The following MMEL1 variants were observed in gnomAD, a reference collection of about 807,000 sequenced individuals.
The protein encoded by MMEL1 is membrane metallo-endopeptidase-like 1.
In MMEL1, 98 loss-of-function variants were observed where a neutral mutation model predicts 117.1. The ratio of observed to expected loss-of-function variants is 0.84; its 90% confidence interval spans 0.71 to 0.99. MMEL1 has a LOEUF of 0.99. Among genes scored for constraint, MMEL1 ranks in the 50% least tolerant of loss-of-function variants. MMEL1 has a pLI of 0.00. For missense variants in MMEL1, 1,014 were observed against 1,049.1 expected (o/e 0.97, Z 0.46); for synonymous variants, 390 against 415.1 (o/e 0.94, Z 0.74).
intron 2 of MMEL1, among the ~76,000 whole-genome samples, chr1:2,628,845 G>T (rs1237585648): frequency 6.6e-6 from 1 of 152,174 alleles, no homozygotes; most frequent in Non-Finnish European, 1.5e-5. Flanking sequence ...GAGCGGGGCG[G>T]GGGCGGCAGG....
At position 2,627,663 on chromosome 1, in the gene MMEL1, T is replaced by C. The variant is rs550896712; in HGVS notation, c.154+1668A>G. Among the ~76,000 whole-genome samples, 5 of 152,304 alleles carry C rather than the reference T, an allele frequency of 3.3e-5. No individual in the cohort carries two copies. In the South Asian group the frequency reaches 8.3e-4, roughly 25 times the overall value. ...TTAAAAAAGTAACTAAAAACTCATG[T>C]CTGGAAATTAAAAAAATTTCTAAAT... On this transcript the variant is annotated intron_variant, in intron 2 of 23. Coordinates refer to ENST00000378412, the MANE Select transcript of MMEL1 (RefSeq NM_033467.4).
rs1313115243 is a variant in MMEL1, at chr1:2,595,649, C to T, written c.1501-290G>A. Among the ~76,000 whole-genome samples, 1 of 152,152 alleles carries T rather than the reference C, an allele frequency of 6.6e-6. No individual in the cohort carries two copies. The highest frequency in any genetic ancestry group is 6.5e-5 in the Admixed American group (1 of 15,288). On this transcript the variant is annotated intron_variant, in intron 15 of 23. Transcript: ENST00000378412. The surrounding 1 kb of genome is among the most constrained non-coding windows in gnomAD (Gnocchi z 4.8). ...CAGGGGCCCTGGAGGGGTCACTCGG[C>T]TGCCGTCTGTCACTTGGGTCCAGAG...
At chr1:2,604,119 C>CCCGG in intron 10 of MMEL1, 28 bp downstream of exon 10, 46 of 1,510,010 alleles carry the variant, frequency 3.0e-5, no homozygotes, top group Non-Finnish European at 3.8e-5. Context: ...ACTCGCTGCC[C>CCCGG]GCTCCCCACC....
At chr1:2,601,726 G>A (rs140916321) in intron 11 of MMEL1, among the ~76,000 whole-genome samples, 2,080 of 152,312 alleles carry the variant, frequency 0.014, 37 homozygotes, top group African/African-American at 0.04. Flanking sequence ...AAGATCGCCC[G>A]ATAGAACAAA....
chr1:2,598,330 G>A (rs779968682), intron 12 of MMEL1, 30 bp from the exon 13 acceptor site: 1 of 1,602,706 alleles, frequency 6.2e-7, no homozygotes, highest in Non-Finnish European at 8.5e-7. Flanking sequence ...GGTGAGGGGA[G>A]AACAGGTGAG....
chr1:2,609,908 G>A (rs1483652377), intron 4 of MMEL1, 77 bp from the exon 5 acceptor site: 2 of 1,483,564 alleles, frequency 1.3e-6, no homozygotes, highest in Non-Finnish European at 1.8e-6. Flanking sequence ...CTGTCTCCCG[G>A]TCCAAGACAC....
rs371074815 is a variant in MMEL1, at chr1:2,594,370, G to T, written c.1747+15C>A. ...ACCAAAGGGCCTGGGCAGGCAGGGA[G>T]GGGGAGGAACTTACCAATCTGGTTT... On this transcript the variant is annotated intron_variant, in intron 18 of 23. Coordinates refer to ENST00000378412, the MANE Select transcript of MMEL1 (RefSeq NM_033467.4). 11 of 1,551,608 alleles carry T rather than the reference G, an allele frequency of 7.1e-6. No individual in the cohort carries two copies. In the East Asian group the frequency reaches 1.2e-4, roughly 17 times the overall value.
intron 7 of MMEL1, 110 bp downstream of exon 7, chr1:2,606,864 C>G: frequency 9.9e-7 from 1 of 1,009,046 alleles, no homozygotes; most frequent in South Asian, 1.4e-5. Flanking sequence ...CTGAGAGCAG[C>G]CAGCTGGGGG....
intron 8 of MMEL1, 29 bp from the exon 9 acceptor site, chr1:2,605,652 CAAGGG>C: frequency 6.2e-7 from 1 of 1,600,198 alleles, no homozygotes; most frequent in Non-Finnish European, 8.6e-7. Flanking sequence ...TGACCCTGGG[CAAGGG>C]GCCCGGGGTC....
chr1:2,606,824 G>T, intron 7 of MMEL1, 150 bp downstream of exon 7: 1 of 687,182 alleles, frequency 1.5e-6, no homozygotes, highest in South Asian at 1.7e-5. Context: ...CCCTGAGGTT[G>T]CCCCGGCTGG....
At chr1:2,617,112 G>GTC (rs1645212669) in intron 2 of MMEL1, among the ~76,000 whole-genome samples, 1 of 152,126 alleles carries the variant, frequency 6.6e-6, no homozygotes, top group African/African-American at 2.4e-5. Flanking sequence ...GCAAAACCCC[G>GTC]TCTCTACTAA....
In MMEL1 at chr1:2,598,670, CGAT is replaced by C; in HGVS notation, c.1159_1161del (p.Ile387del). 1 of 1,614,040 alleles carries C rather than the reference CGAT, an allele frequency of 6.2e-7. No homozygotes were observed. Among genetic ancestry groups the C allele is most frequent in the Non-Finnish European group, 8.5e-7 (1 of 1,179,980 alleles). On this transcript the variant is annotated inframe_deletion, in exon 12 of 24. Coordinates refer to ENST00000378412, the MANE Select transcript of MMEL1 (RefSeq NM_033467.4). ...GGGCCTCACCTGGCTGAGTAGGTGT[CGAT>C]GATGTTTTCAAGGTTCTGCAGGTAG...
chr1:2,593,905 G>A lies in MMEL1; in HGVS notation c.1776C>T (p.Pro592=). 6.2e-7 allele frequency: 1 copy of A among 1,611,384 alleles called. No homozygotes were observed. The highest frequency in any genetic ancestry group is 1.1e-5 in the South Asian group (1 of 90,882). Residue 592 remains proline, a synonymous_variant, in exon 19 of 24, where the codon CCC becomes CCT. Coordinates refer to ENST00000378412, the MANE Select transcript of MMEL1 (RefSeq NM_033467.4). ...IVFPAGILQP[P]FFSKEQPQAL... ...CCTGTGGCTGCTCCTTGCTGAAGAA[G>A]GGGGGCTGGAGGATCCCGGCAGGGA... is the stretch of plus-strand genomic sequence containing the variant.
In MMEL1 at chr1:2,631,849, G is replaced by A. The variant is rs536683428; in HGVS notation, c.-38+1017C>T. ...GGACCCTTTCTCATTCCTGCCACTC[G>A]CTGCCTGTTCCAGGCCCCACCAATC... On this transcript the variant is annotated intron_variant, in intron 1 of 23. Coordinates refer to ENST00000378412, the MANE Select transcript of MMEL1 (RefSeq NM_033467.4). Among the ~76,000 whole-genome samples the A allele has an allele frequency of 2.6e-5, 4 of 152,180 alleles. No homozygotes were observed. In the South Asian group the frequency reaches 6.2e-4, roughly 24 times the overall value.
chr1:2,594,661 G>T, intron 17 of MMEL1, 129 bp downstream of exon 17: 2 of 919,480 alleles, frequency 2.2e-6, no homozygotes, highest in South Asian at 1.5e-5. Flanking sequence ...TAGGCCCAGT[G>T]ACTGCACCCC....
Position 2,590,746 on chromosome 1 carries a change from C to CG in MMEL1, c.*243dup, listed in dbSNP as rs1490894475. 1 of 399,200 alleles carries CG rather than the reference C, an allele frequency of 2.5e-6. No individual in the cohort carries two copies. Among genetic ancestry groups the CG allele is most frequent in the African/African-American group, 2.1e-5 (1 of 48,540 alleles). The allele number at this position is 399,200 out of a possible 1,614,324, so 24.7% of individuals were successfully genotyped here. ...GTTGATTGTCTCTACAGAGCTGTGA[C>CG]GGGGGCACTGAGCCCCGCGGGTGTC... On this transcript the variant is annotated 3_prime_UTR_variant, in exon 24 of 24. Coordinates refer to ENST00000378412, the MANE Select transcript of MMEL1 (RefSeq NM_033467.4).
In MMEL1 at chr1:2,612,961, C is replaced by T. The variant is rs535693828; in HGVS notation, c.155-757G>A. On this transcript the variant is annotated intron_variant, in intron 2 of 23. Coordinates refer to ENST00000378412, the MANE Select transcript of MMEL1 (RefSeq NM_033467.4). This position sits in a 1 kb window ranked among gnomAD's most constrained non-coding sequence, Gnocchi z 5.4. ...CTGAATGGAAGGAGGGAACAGGGCT[C>T]GTTCAGGTCAGGGCTGTTGGCAGGC... Among the ~76,000 whole-genome samples the T allele has an allele frequency of 2.6e-5, 4 of 152,174 alleles. No homozygotes were observed. The highest frequency in any genetic ancestry group is 5.9e-5 in the Non-Finnish European group (4 of 68,032).
At chr1:2,605,689 G>T in intron 8 of MMEL1, 66 bp from the exon 9 acceptor site, 1 of 1,238,116 alleles carries the variant, frequency 8.1e-7, no homozygotes, top group Non-Finnish European at 1.2e-6. Context: ...GCTGAGGCAG[G>T]CTGCAGCCGC....
chr1:2,599,733 T>C (rs940254674), intron 11 of MMEL1, among the ~76,000 whole-genome samples: 11 of 152,000 alleles, frequency 7.2e-5, no homozygotes, highest in African/African-American at 2.7e-4. Flanking sequence ...TGGCGCATGC[T>C]GTAGTCCCAG....
Sources: gnomAD v4.1 joint callset for allele counts (sites outside exome capture counted in the v4.1 genomes callset) on GRCh38, gnomAD v4.1.1 for gene constraint, Gnocchi (gnomAD v3.1) non-coding constraint, MANE v1.5 for transcripts, NCBI Gene and HGNC (gene_info 2026-07-23, HGNC 2026-07-21) for gene names.